The following STK11IP variants were observed in gnomAD, a reference collection of about 807,000 sequenced individuals.
The protein encoded by STK11IP is serine/threonine-protein kinase 11-interacting protein.
A neutral mutation model predicts 131.7 loss-of-function variants in STK11IP; 103 were observed. The observed-to-expected ratio is 0.78, with a 90% CI of 0.67 to 0.92. The LOEUF (loss-of-function observed/expected upper bound fraction) is 0.92. Ranked by LOEUF, STK11IP falls within the 40% of genes least tolerant of loss-of-function variation. The pLI is 0.00. For missense variants in STK11IP, 1,315 were observed against 1,385.7 expected, an observed-to-expected ratio of 0.95 and a Z score of 0.81; for synonymous variants, 557 against 575.6, an observed-to-expected ratio of 0.97 and a Z score of 0.46.
At chr2:219,612,516 G>T (rs556140966) in intron 19 of STK11IP, among the ~76,000 whole-genome samples, 2 of 152,360 alleles carry the variant, frequency 1.3e-5, no homozygotes, top group South Asian at 2.1e-4. Flanking sequence ...CCTTGAAGGG[G>T]TGTCTAGTCC....
At chr2:219,605,540 G>T (rs1237209798) in intron 7 of STK11IP, 68 bp from the exon 8 acceptor site, 33 of 1,515,574 alleles carry the variant, frequency 2.2e-5, no homozygotes, top group African/African-American at 2.8e-5. Context: ...GTCCAGAAGA[G>T]GTCTCAGAGG....
rs370383207 is a variant in STK11IP at position 219,611,664 on chromosome 2, G to T, written c.2165G>T (p.Arg722Leu). The T allele has an allele frequency of 6.2e-7, 1 of 1,613,170 alleles. No individual in the cohort carries two copies. Among genetic ancestry groups the T allele is most frequent in the Non-Finnish European group, 8.5e-7 (1 of 1,179,878 alleles). The change falls in exon 18 of 25, where the codon CGG becomes CTG. Residue 722 changes from arginine to leucine, a missense_variant. Arg to Leu is a moderately radical substitution (Grantham distance 102). Coordinates refer to ENST00000456909, the MANE Select transcript of STK11IP (RefSeq NM_052902.4). ...SDHVVLLAVS[R>L]GTPNRERKQG... Reference sequence around the variant, plus strand: ...CACGTGGTTCTCCTCGCTGTGTCTCGGGGAACCCCCAACAGGGAGCGGAAA... The same window carrying T: ...CACGTGGTTCTCCTCGCTGTGTCTCTGGGAACCCCCAACAGGGAGCGGAAA...
intron 10 of STK11IP, 54 bp downstream of exon 10, chr2:219,606,344 C>T (rs757057487): frequency 1.2e-4 from 178 of 1,544,940 alleles, no homozygotes; most frequent in Non-Finnish European, 1.5e-4. Context: ...CAGTCCTCCC[C>T]CACCTTGCAC....
intron 5 of STK11IP, 84 bp from the exon 6 acceptor site, chr2:219,602,384 A>T: frequency 9.6e-7 from 1 of 1,038,238 alleles, no homozygotes; most frequent in African/African-American, 1.6e-5. Flanking sequence ...TAAAAAATGA[A>T]TGAGTGACTG....
chr2:219,609,744 GT>G (rs11365689), intron 17 of STK11IP: 251,647 of 394,422 alleles, frequency 0.64, 60,810 homozygotes, highest in Admixed American at 0.74. Context: ...ACTATATCCT[GT>G]TTTTTTTTTT....
intron 19 of STK11IP, 69 bp from the exon 20 acceptor site, chr2:219,613,059 C>A: frequency 7.6e-7 from 1 of 1,323,326 alleles, no homozygotes. Flanking sequence ...ACCAGGAACT[C>A]GGCTTTCAGT....
intron 20 of STK11IP, 95 bp from the exon 21 acceptor site, chr2:219,613,657 G>A (rs1698479651): frequency 7.0e-7 from 1 of 1,433,064 alleles, no homozygotes; most frequent in Non-Finnish European, 9.8e-7. Context: ...CGGGGGTGAT[G>A]CAGTGAGTGA....
Position 219,611,993 on chromosome 2 carries a change from C to G in STK11IP, c.2374C>G (p.Leu792Val), listed in dbSNP as rs1444993294. Residue 792 changes from leucine to valine, a missense_variant, in exon 19 of 25, where the codon CTC becomes GTC. Coordinates refer to ENST00000456909, the MANE Select transcript of STK11IP (RefSeq NM_052902.4). Reference protein sequence around the residue: ...RCGLRSVDHRLRLFLDVEVFS... With the variant: ...RCGLRSVDHRVRLFLDVEVFS... The stretch of plus-strand genomic sequence containing the variant: ...TGGCCTCCGCTCTGTGGACCACCGA[C>G]TCCGGCTCTTCCTGGATGTTGAGGT... 9.3e-6 allele frequency: 15 copies of G among 1,604,704 alleles called. No individual in the cohort carries two copies. Among genetic ancestry groups the G allele is most frequent in the Non-Finnish European group, 1.0e-5 (12 of 1,176,576 alleles).
chr2:219,601,618 T>C (rs775411491), intron 3 of STK11IP, 23 bp from the exon 4 acceptor site: 13 of 1,511,144 alleles, frequency 8.6e-6, no homozygotes, highest in Non-Finnish European at 7.1e-6. Flanking sequence ...CCTCAGTAAA[T>C]TGAGTTTTTT....
chr2:219,601,935 G>T, intron 4 of STK11IP, 53 bp from the exon 5 acceptor site: 1 of 1,488,918 alleles, frequency 6.7e-7, no homozygotes, highest in Non-Finnish European at 9.2e-7. Context: ...TGGGGATGAG[G>T]TCTTTGTCTT....
At position 219,616,034 on chromosome 2, in the gene STK11IP, G is replaced by A. The variant is rs769972290; in HGVS notation, c.3118-10G>A. The A allele has an allele frequency of 1.2e-5, 19 of 1,612,722 alleles. No homozygotes were observed. The Admixed American group carries it at 1.5e-4, about 13-fold the overall frequency. On this transcript the variant is annotated splice_polypyrimidine_tract_variant and intron_variant, in intron 24 of 24. Transcript: ENST00000456909. Reference sequence around the variant, plus strand: ...ATGAGCCTCGCCTTGCTAACTGCTCGGTCTGCCAGGTGTCCCGGCTGGAGA... The same window carrying A: ...ATGAGCCTCGCCTTGCTAACTGCTCAGTCTGCCAGGTGTCCCGGCTGGAGA...
chr2:219,614,038 C>T, intron 21 of STK11IP, 108 bp downstream of exon 21: 1 of 1,500,806 alleles, frequency 6.7e-7, no homozygotes, highest in Non-Finnish European at 9.1e-7. Flanking sequence ...GGTAACAGGA[C>T]TTGTCCCTTG....
At chr2:219,601,742 G>T in intron 4 of STK11IP, 27 bp downstream of exon 4, 1 of 1,581,588 alleles carries the variant, frequency 6.3e-7, no homozygotes, top group Admixed American at 1.8e-5. Context: ...GGATGTTGGT[G>T]CACAGCACCC....
chr2:219,614,286 C>T (rs1209450714), intron 22 of STK11IP, 44 bp downstream of exon 22: 4 of 1,605,276 alleles, frequency 2.5e-6, no homozygotes, highest in Non-Finnish European at 3.4e-6. Context: ...GCCCAATCCT[C>T]TTTCCACAGA....
chr2:219,606,878 G>T lies in STK11IP; in HGVS notation c.1134+20G>T. 1 of 1,599,828 alleles carries T rather than the reference G, an allele frequency of 6.3e-7. No homozygotes were observed. The highest frequency in any genetic ancestry group is 8.5e-7 in the Non-Finnish European group (1 of 1,171,078). On this transcript the variant is annotated intron_variant, in intron 12 of 24. Coordinates refer to ENST00000456909, the MANE Select transcript of STK11IP (RefSeq NM_052902.4). ...GTTAAGGTAAGCAGCGTCCTCCGCT[G>T]CCTTGTGCCTGCGGTTGGGTGTCTC...
At chr2:219,600,040 T>TG (rs1475454930) in intron 2 of STK11IP, among the ~76,000 whole-genome samples, 4 of 136,786 alleles carry the variant, frequency 2.9e-5, no homozygotes, top group East Asian at 2.2e-4. Context: ...CTGCCCTTTG[T>TG]GTTTTTTTTT....
Position 219,616,092 on chromosome 2 carries a change from C to G in STK11IP, c.3166C>G (p.Gln1056Glu). ...GGCACTCCGTGTGGTGTGTCAGGAG[C>G]AGCTGACAGCCCTGCTTGCCTGGAT... ...FWALRVVCQEQLTALLAWIRE... is the reference protein window; with the variant it reads ...FWALRVVCQEELTALLAWIRE... Residue 1056 changes from glutamine (Q) to glutamate (E), a missense_variant, in exon 25 of 25, where the codon CAG becomes GAG. Transcript: ENST00000456909. 1 of 1,613,888 alleles carries G rather than the reference C, an allele frequency of 6.2e-7. No homozygotes were observed. The highest frequency in any genetic ancestry group is 8.5e-7 in the Non-Finnish European group (1 of 1,179,892).
In STK11IP at chr2:219,606,741, G is replaced by A; in HGVS notation, c.1017G>A (p.Met339Ile). ...ACACATCCTTGGGGCTCAGCCCCAT[G>A]GGCCCACCTTTGCCCTGGCCAGTGG... Reference protein sequence around the residue: ...QTHTSLGLSPMGPPLPWPVGS... With the variant: ...QTHTSLGLSPIGPPLPWPVGS... Residue 339 changes from methionine to isoleucine, a missense_variant, in exon 12 of 25, where the codon ATG becomes ATA. Transcript: ENST00000456909. 1.2e-6 allele frequency: 2 copies of A among 1,613,044 alleles called. No homozygotes were observed. The highest frequency in any genetic ancestry group is 8.5e-7 in the Non-Finnish European group (1 of 1,179,376).
In STK11IP at chr2:219,602,628, G is replaced by T; in HGVS notation, c.546+53G>T. The T allele has an allele frequency of 1.9e-6, 3 of 1,610,660 alleles. No individual in the cohort carries two copies. The Admixed American group carries it at 5.0e-5, about 27-fold the overall frequency. On this transcript the variant is annotated intron_variant, in intron 6 of 24. Coordinates refer to ENST00000456909, the MANE Select transcript of STK11IP (RefSeq NM_052902.4). ...CGAGGAAGGGCAAGGCCAGGCCTTT[G>T]GGGAGGAGGGCCAGCTGGTTGACCA...
Sources: allele counts gnomAD v4.1 joint callset (sites outside exome capture counted in the v4.1 genomes callset), GRCh38; gene constraint gnomAD v4.1.1; transcripts MANE v1.5; gene names NCBI Gene and HGNC (gene_info 2026-07-23, HGNC 2026-07-21).